Variants in CYP1A2 observed in about 807,000 individuals in gnomAD.
CYP1A2 encodes the protein cytochrome P450 1A2.
Under a neutral mutation model 34.7 loss-of-function variants are expected in CYP1A2, and 35 were observed. The ratio of observed to expected loss-of-function variants is 1.01; its 90% CI spans 0.77 to 1.34. The LOEUF is 1.34. Ranked by LOEUF, CYP1A2 falls within the 40% of genes most tolerant of loss-of-function variation. The pLI, the probability that CYP1A2 is intolerant of heterozygous loss-of-function variation, is 0.00. For missense variants in CYP1A2, 675 were observed against 675.8 expected (o/e 1.00, Z 0.01); for synonymous variants, 288 against 281.9 (o/e 1.02, Z -0.22).
At chr15:74,751,914 C>T (rs1404610615) in intron 4 of CYP1A2, 60 bp downstream of exon 4, 4 of 1,575,640 alleles carry the variant, frequency 2.5e-6, no homozygotes, top group Non-Finnish European at 3.5e-6. Context: ...GTTGTTTGTT[C>T]AGTCTACAAA....
At position 74,749,960 on chromosome 15, in the gene CYP1A2, C is replaced by T. The variant is rs35407132; in HGVS notation, c.222C>T (p.Asp74=). 2.2e-5 allele frequency: 36 copies of T among 1,613,962 alleles called. No homozygotes were observed. Among genetic ancestry groups the T allele is most frequent in the African/African-American group, 5.3e-5 (4 of 75,058 alleles). Residue 74 remains aspartate (D), a synonymous_variant, in exon 2 of 7, where the codon GAC becomes GAT. Coordinates refer to ENST00000343932, the MANE Select transcript of CYP1A2 (RefSeq NM_000761.5). ...CAAGGATGAGCCAGCGCTACGGGGA[C>T]GTCCTGCAGATCCGCATTGGCTCCA... ...ALSRMSQRYG[D]VLQIRIGSTP...
Position 74,751,205 on chromosome 15 carries a change from TC to T in CYP1A2, c.849del (p.Thr284ArgfsTer51). 1.2e-6 allele frequency: 2 copies of T among 1,614,056 alleles called. No homozygotes were observed. The highest frequency in any genetic ancestry group is 1.7e-6 in the Non-Finnish European group (2 of 1,179,992). On this transcript the variant is annotated frameshift_variant, in exon 3 of 7. Transcript: ENST00000343932. LOFTEE classifies it high-confidence loss of function. ...QDFDKNSVRDITGALFKHSKK... is the reference protein window; with the variant it reads ...QDFDKNSVRDXTGALFKHSKK... ...CCCCCTCAGAACAGTGTCCGGGACA[TC>T]ACGGGTGCCCTGTTCAAGCACAGCA...
intron 5 of CYP1A2, among the ~76,000 whole-genome samples, chr15:74,752,976 GA>G (rs1399519148): frequency 6.8e-6 from 1 of 147,234 alleles, no homozygotes; most frequent in Non-Finnish European, 1.5e-5. Context: ...CAGGCGCAAA[GA>G]GAAGTTTAGT....
chr15:74,753,297 T>G (rs770715935), intron 6 of CYP1A2, 27 bp downstream of exon 6: 3 of 1,584,268 alleles, frequency 1.9e-6, no homozygotes, highest in Non-Finnish European at 2.6e-6. Context: ...CACGAAAAAA[T>G]GTGTGCAGGT....
In CYP1A2 at chr15:74,755,367, AAAC is replaced by A. The variant is rs1387275596; in HGVS notation, c.*282_*284del. On this transcript the variant is annotated 3_prime_UTR_variant, in exon 7 of 7. Transcript: ENST00000343932. The stretch of plus-strand genomic sequence containing the variant: ...CCCCATCTCAAAAAAAAAAACAAAC[AAAC>A]AAAAAAAAAACCATATATATACATA... 3.3e-5 allele frequency: 9 copies of A among 270,730 alleles called. No individual in the cohort carries two copies. The highest frequency in any genetic ancestry group is 2.2e-4 in the South Asian group (3 of 13,358). The allele number at this position is 270,730 out of a possible 1,614,324, so 16.8% of individuals were successfully genotyped here. A position where few individuals can be genotyped will look rare whatever the true frequency, so the allele number is the denominator to read the frequency against.
Position 74,750,391 on chromosome 15 carries a change from G to A in CYP1A2, c.653G>A (p.Ser218Asn), listed in dbSNP as rs771419575. 5.0e-6 allele frequency: 8 copies of A among 1,614,062 alleles called. No homozygotes were observed. The South Asian group carries it at 7.7e-5, about 16-fold the overall frequency. Residue 218 changes from serine (S) to asparagine (N), a missense_variant, in exon 2 of 7, where the codon AGC becomes AAC. By Grantham distance (46) the Ser-to-Asn change is conservative. Transcript: ENST00000343932. ...CCTGAGAGTAGCGATGAGATGCTCA[G>A]CCTCGTGAAGAACACTCATGAGTTC... ...HFPESSDEML[S>N]LVKNTHEFVE...
At chr15:74,751,356 A>T (rs1567205813) in intron 3 of CYP1A2, 47 bp downstream of exon 3, 1 of 1,609,030 alleles carries the variant, frequency 6.2e-7, no homozygotes, top group South Asian at 1.1e-5. Flanking sequence ...CCTGCTGTTC[A>T]CCCACAGCCT....
At chr15:74,754,268 A>G (rs2063328418) in intron 6 of CYP1A2, among the ~76,000 whole-genome samples, 1 of 151,946 alleles carries the variant, frequency 6.6e-6, no homozygotes, top group South Asian at 2.1e-4. Flanking sequence ...ATTAAAAGGC[A>G]CTATCTTTAA....
chr15:74,751,258 C>G lies in CYP1A2; in HGVS notation c.901C>G (p.Leu301Val), dbSNP rs1248203623. The change falls in exon 3 of 7, where the codon CTC becomes GTC. Residue 301 changes from leucine (L) to valine (V), a missense_variant. Transcript: ENST00000343932. ...GAAGGGGCCTAGAGCCAGCGGCAAC[C>G]TCATCCCACAGGAGAAGATTGTCAA... ...SKKGPRASGN[L>V]IPQEKIVNLV... The G allele has an allele frequency of 6.2e-7, 1 of 1,614,182 alleles. No homozygotes were observed. Among genetic ancestry groups the G allele is most frequent in the South Asian group, 1.1e-5 (1 of 91,086 alleles).
intron 6 of CYP1A2, 72 bp from the exon 7 acceptor site, chr15:74,754,719 C>A: frequency 6.7e-7 from 1 of 1,495,662 alleles, no homozygotes; most frequent in Admixed American, 1.8e-5. Context: ...CAACAGAAGT[C>A]TCCCTCCCCC....
rs747609163 is a variant in CYP1A2, at chr15:74,750,583, G to A, written c.831+14G>A. On this transcript the variant is annotated intron_variant, in intron 2 of 6. Coordinates refer to ENST00000343932, the MANE Select transcript of CYP1A2 (RefSeq NM_000761.5). ...GACTTTGACAAGGTGAGCCCGGGGTGCAGGTGGCAAGGGGCACCTTGCAGG... is the reference window on the plus strand; with the variant it reads ...GACTTTGACAAGGTGAGCCCGGGGTACAGGTGGCAAGGGGCACCTTGCAGG... 5 of 1,607,646 alleles carry A rather than the reference G, an allele frequency of 3.1e-6. No individual in the cohort carries two copies. Among genetic ancestry groups the A allele is most frequent in the Non-Finnish European group, 4.3e-6 (5 of 1,175,030 alleles).
chr15:74,753,749 A>T (rs2063326503), intron 6 of CYP1A2, among the ~76,000 whole-genome samples: 1 of 151,980 alleles, frequency 6.6e-6, no homozygotes, highest in Non-Finnish European at 1.5e-5. Flanking sequence ...AAAAAAAAAA[A>T]AATCAACCAA....
At chr15:74,751,393 A>T in intron 3 of CYP1A2, 84 bp downstream of exon 3, 3 of 1,559,470 alleles carry the variant, frequency 1.9e-6, no homozygotes, top group Non-Finnish European at 2.6e-6. Context: ...CCATGAAATA[A>T]CCCACCAACC....
In CYP1A2 at chr15:74,752,243, C is replaced by G; in HGVS notation, c.1162C>G (p.His388Asp). ...CTCCTTCTTGCCCTTCACCATCCCC[C>G]ACAGGTGAGGCCTGCCGGTTCTGCC... Reference protein sequence around the residue: ...HSSFLPFTIPHSTTRDTTLNG... With the variant: ...HSSFLPFTIPDSTTRDTTLNG... The change falls in exon 5 of 7, where the codon CAC becomes GAC. Residue 388 changes from histidine (H) to aspartate (D), a missense_variant. Transcript: ENST00000343932. 2 of 1,613,886 alleles carry G rather than the reference C, an allele frequency of 1.2e-6. No individual in the cohort carries two copies. The highest frequency in any genetic ancestry group is 1.7e-6 in the Non-Finnish European group (2 of 1,179,900).
At chr15:74,754,037 G>T (rs1323264799) in intron 6 of CYP1A2, among the ~76,000 whole-genome samples, 2 of 152,100 alleles carry the variant, frequency 1.3e-5, no homozygotes, top group Non-Finnish European at 2.9e-5. Flanking sequence ...TTTTGAGTAG[G>T]ATGAAGAAAC....
chr15:74,752,123 GAC>G lies in CYP1A2; in HGVS notation c.1045_1046del (p.Thr349CysfsTer12), dbSNP rs762596817. The G allele has an allele frequency of 5.3e-5, 86 of 1,613,836 alleles. No individual in the cohort carries two copies. The highest frequency in any genetic ancestry group is 6.9e-5 in the Non-Finnish European group (82 of 1,179,958). On this transcript the variant is annotated frameshift_variant and splice_region_variant, in exon 5 of 7. Coordinates refer to ENST00000343932, the MANE Select transcript of CYP1A2 (RefSeq NM_000761.5). LOFTEE classifies it high-confidence loss of function. ...EIQRKIQKEL[D>X]TVIGRERRPR... is the part of the protein sequence containing the mutation. ...CTCTGCTTGTCCTCTGTGTTCTACA[GAC>G]ACTGTGATTGGCAGGGAGCGGCGGC... is the stretch of plus-strand genomic sequence containing the variant.
At chr15:74,750,624 CT>C in intron 2 of CYP1A2, 55 bp downstream of exon 2, 1 of 1,453,396 alleles carries the variant, frequency 6.9e-7, no homozygotes, top group Non-Finnish European at 9.6e-7. Flanking sequence ...GGTGCAGCCC[CT>C]CCCTCCCAGC....
At chr15:74,751,972 C>A in intron 4 of CYP1A2, 118 bp downstream of exon 4, 1 of 1,484,612 alleles carries the variant, frequency 6.7e-7, no homozygotes, top group South Asian at 1.3e-5. Context: ...CACAGTAGTG[C>A]CTGCCCTTGC....
At position 74,751,754 on chromosome 15, in the gene CYP1A2, A is replaced by G; in HGVS notation, c.953-11A>G. On this transcript the variant is annotated splice_polypyrimidine_tract_variant and intron_variant, in intron 3 of 6. Coordinates refer to ENST00000343932, the MANE Select transcript of CYP1A2 (RefSeq NM_000761.5). ...CTTCCTTCTTTCCTCACCTTACACT[A>G]CACGGTTCAGGATTTGACACAGTCA... 1.9e-6 allele frequency: 3 copies of G among 1,612,976 alleles called. No individual in the cohort carries two copies. Among genetic ancestry groups the G allele is most frequent in the South Asian group, 1.1e-5 (1 of 90,976 alleles).
Sources: allele counts gnomAD v4.1 joint callset (sites outside exome capture counted in the v4.1 genomes callset), GRCh38; gene constraint gnomAD v4.1.1; transcripts MANE v1.5; gene names NCBI Gene and HGNC (gene_info 2026-07-23, HGNC 2026-07-21).